The following SLC29A4 variants were observed in gnomAD, a reference collection of about 807,000 sequenced individuals.
SLC29A4 encodes solute carrier family 29 member 4.
Under a neutral mutation model 43.9 loss-of-function variants are expected in SLC29A4, and 36 were observed. The ratio of observed to expected loss-of-function variants is 0.82; its 90% CI spans 0.63 to 1.08. The LOEUF (loss-of-function observed/expected upper bound fraction) is 1.08. Among genes scored for constraint, SLC29A4 ranks in the 50% least tolerant of loss-of-function variants. The pLI is 0.00. For synonymous variants in SLC29A4, 491 were observed against 338.0 expected, an observed-to-expected ratio of 1.45 and a Z score of -4.97; for missense variants, 869 against 755.3, an observed-to-expected ratio of 1.15 and a Z score of -1.77.
rs1490709461 is a variant in SLC29A4 at position 5,288,034 on chromosome 7, G to A, written c.169+49G>A. The A allele has an allele frequency of 1.9e-5, 29 of 1,555,174 alleles. No individual in the cohort carries two copies. The East Asian group carries it at 6.6e-4, about 35-fold the overall frequency. On this transcript the variant is annotated intron_variant, in intron 2 of 10. Coordinates refer to ENST00000396872, the MANE Select transcript of SLC29A4 (RefSeq NM_153247.4). The stretch of plus-strand genomic sequence containing the variant: ...GCGGGTCTTGCCCCAAAGCAGGCTG[G>A]GCTGTGTGACCCCCAGTGAAGCCTT...
chr7:5,303,289 C>T lies in SLC29A4; in HGVS notation c.*350C>T. The T allele has an allele frequency of 2.8e-6, 1 of 363,480 alleles. No homozygotes were observed. The allele number at this position is 363,480 out of a possible 1,614,324, so 22.5% of individuals were successfully genotyped here. ...TGTCCCCACCCAGGACAGCAGACAC[C>T]CGCCAGAGTGTGCGCGCCCAGTGAC... On this transcript the variant is annotated 3_prime_UTR_variant, in exon 11 of 11. Transcript: ENST00000396872.
At chr7:5,292,960 A>G (rs1785403875) in intron 5 of SLC29A4, among the ~76,000 whole-genome samples, 2 of 150,824 alleles carry the variant, frequency 1.3e-5, no homozygotes, top group Non-Finnish European at 3.0e-5. Context: ...CAGCCTCCCA[A>G]AGTGCTGGTA....
chr7:5,295,229 GTGTT>G (rs747504801), intron 6 of SLC29A4, among the ~76,000 whole-genome samples: 2 of 151,988 alleles, frequency 1.3e-5, no homozygotes, highest in African/African-American at 2.4e-5. Flanking sequence ...GGCTGGGTGT[GTGTT>G]TGGTAAGTCT....
chr7:5,286,409 G>A (rs1401363715), intron 1 of SLC29A4, among the ~76,000 whole-genome samples: 1 of 150,802 alleles, frequency 6.6e-6, no homozygotes, highest in Non-Finnish European at 1.5e-5. Flanking sequence ...TGTAGTCCCA[G>A]CTACTCGGGA....
At chr7:5,287,689 C>T in intron 1 of SLC29A4, 120 bp from the exon 2 acceptor site, 1 of 1,050,650 alleles carries the variant, frequency 9.5e-7, no homozygotes, top group Non-Finnish European at 1.4e-6. Flanking sequence ...TTGCTTTGGC[C>T]AACGAGTGTG....
At chr7:5,299,174 G>A (rs763528076) in intron 8 of SLC29A4, 48 bp downstream of exon 8, 1 of 1,599,230 alleles carries the variant, frequency 6.3e-7, no homozygotes, top group Non-Finnish European at 8.5e-7. Flanking sequence ...ACCCAGGCAG[G>A]GGGTGGGGGA....
At chr7:5,289,727 C>T (rs1331640117) in intron 2 of SLC29A4, among the ~76,000 whole-genome samples, 2 of 152,010 alleles carry the variant, frequency 1.3e-5, no homozygotes, top group African/African-American at 4.8e-5. Context: ...CTCCCATAGA[C>T]AGCTCCCTAA....
intron 5 of SLC29A4, among the ~76,000 whole-genome samples, chr7:5,293,308 A>T (rs1785435806): frequency 6.6e-6 from 1 of 151,550 alleles, no homozygotes; most frequent in South Asian, 2.1e-4. Flanking sequence ...AGTAGCTGGG[A>T]CTGCAGGCGC....
At chr7:5,295,795 G>A (rs1378009294) in intron 6 of SLC29A4, among the ~76,000 whole-genome samples, 1 of 132,886 alleles carries the variant, frequency 7.5e-6, no homozygotes, top group African/African-American at 2.7e-5. Flanking sequence ...CCTGGTTCCT[G>A]TCGCTGGCAG....
chr7:5,302,908 C>T lies in SLC29A4; in HGVS notation c.1562C>T (p.Thr521Ile), dbSNP rs767103185. The change falls in exon 11 of 11, where the codon ACC (threonine) becomes ATC (isoleucine). Residue 521 changes from threonine to isoleucine, a missense_variant. By Grantham distance (89) the Thr-to-Ile change is moderately conservative. Transcript: ENST00000396872. ...CACGGCAGCTGCCTGCACGCCTCCACCGCCAATGGTTCCATCCTCGCAGGC... is the reference window on the plus strand; with the variant it reads ...CACGGCAGCTGCCTGCACGCCTCCATCGCCAATGGTTCCATCCTCGCAGGC... ...DAHGSCLHAS[T>I]ANGSILAGL 5.7e-5 allele frequency: 92 copies of T among 1,608,204 alleles called. No homozygotes were observed. In the East Asian group the frequency reaches 2.0e-3, roughly 34 times the overall value.
At chr7:5,295,056 G>T in intron 6 of SLC29A4, 122 bp downstream of exon 6, 1 of 862,356 alleles carries the variant, frequency 1.2e-6, no homozygotes, top group Non-Finnish European at 1.8e-6. Context: ...TCCCTGGGCA[G>T]ACTGAGCTAG....
chr7:5,300,483 G>A lies in SLC29A4; in HGVS notation c.1271G>A (p.Arg424His), dbSNP rs565671972. ...CACCTGCTGGCCTGCTCCTGCCTGC[G>A]TGTGGTCTTCATCCCCCTCTTCATC... ...GTHLLACSCLRVVFIPLFILC... is the reference protein window; with the variant it reads ...GTHLLACSCLHVVFIPLFILC... Residue 424 changes from arginine to histidine, a missense_variant, in exon 10 of 11, where the codon CGT becomes CAT. Coordinates refer to ENST00000396872, the MANE Select transcript of SLC29A4 (RefSeq NM_153247.4). 1.3e-5 allele frequency: 21 copies of A among 1,611,790 alleles called. No individual in the cohort carries two copies. The highest frequency in any genetic ancestry group is 2.2e-4 in the Middle Eastern group (1 of 4,490).
intron 5 of SLC29A4, among the ~76,000 whole-genome samples, chr7:5,294,367 T>G (rs1785506797): frequency 6.6e-6 from 1 of 152,126 alleles, no homozygotes; most frequent in Non-Finnish European, 1.5e-5. Context: ...TTTCTGGCTG[T>G]ATTAGTTAGG....
At chr7:5,292,509 C>T (rs1388958724) in intron 5 of SLC29A4, among the ~76,000 whole-genome samples, 1 of 151,920 alleles carries the variant, frequency 6.6e-6, no homozygotes, top group East Asian at 1.9e-4. Context: ...CATACGAGCA[C>T]TCTCTCCCCC....
chr7:5,291,033 C>T (rs1436306111), intron 3 of SLC29A4, 91 bp from the exon 4 acceptor site: 1 of 1,540,858 alleles, frequency 6.5e-7, no homozygotes, highest in African/African-American at 1.4e-5. Flanking sequence ...CCTCTGTGGG[C>T]AGCGAGCCCC....
rs1158079642 is a variant in SLC29A4 at position 5,296,865 on chromosome 7, G to C, written c.620-71G>C. ...TGGGGAGGGGTCTGTGTGTGGACGG[G>C]GCTGGGGCGGGACGGGGCGGTGCAG... On this transcript the variant is annotated intron_variant, in intron 6 of 10. Coordinates refer to ENST00000396872, the MANE Select transcript of SLC29A4 (RefSeq NM_153247.4). 7 of 1,465,668 alleles carry C rather than the reference G, an allele frequency of 4.8e-6. No individual in the cohort carries two copies. In the South Asian group the frequency reaches 9.5e-5, roughly 20 times the overall value. The allele number at this position is 1,465,668 out of a possible 1,614,324, so 90.8% of individuals were successfully genotyped here.
At chr7:5,285,455 T>A (rs1015113881) in intron 1 of SLC29A4, among the ~76,000 whole-genome samples, 2 of 152,140 alleles carry the variant, frequency 1.3e-5, no homozygotes, top group Admixed American at 1.3e-4. Context: ...GGGCTGAATC[T>A]CCCCAGCCCC....
intron 5 of SLC29A4, among the ~76,000 whole-genome samples, chr7:5,293,604 C>T (rs1342555847): frequency 6.6e-6 from 1 of 152,064 alleles, no homozygotes; most frequent in Non-Finnish European, 1.5e-5. Flanking sequence ...ACTCCCAATA[C>T]TACTGTTCTG....
intron 1 of SLC29A4, among the ~76,000 whole-genome samples, chr7:5,286,338 C>T (rs997363625): frequency 6.6e-6 from 1 of 152,058 alleles, no homozygotes; most frequent in African/African-American, 2.4e-5. Flanking sequence ...TCCTGGCCAA[C>T]ATGGTGAAAC....
Sources: gnomAD v4.1 joint callset for allele counts (sites outside exome capture counted in the v4.1 genomes callset) on GRCh38, gnomAD v4.1.1 for gene constraint, MANE v1.5 for transcripts, NCBI Gene and HGNC (gene_info 2026-07-23, HGNC 2026-07-21) for gene names.